AP3B1: variants seen among roughly 807,000 people sequenced by gnomAD.
AP3B1 encodes adaptor related protein complex 3 subunit beta 1, also known as AP-3 complex subunit beta-1.
A neutral mutation model predicts 132.5 loss-of-function variants in AP3B1; 61 were observed. The ratio of observed to expected loss-of-function variants is 0.46; its 90% CI spans 0.37 to 0.57. The LOEUF (loss-of-function observed/expected upper bound fraction) is 0.57, where lower values mean the gene tolerates loss of function less well. Ranked by LOEUF, AP3B1 falls within the 20% of genes least tolerant of loss-of-function variation. The probability of loss-of-function intolerance (pLI) is 0.00; values close to 1 mark genes in which losing one functional copy is unlikely to be tolerated. For missense variants in AP3B1, 1,120 were observed against 1,289.4 expected (o/e 0.87, Z 2.01); for synonymous variants, 388 against 438.3 (o/e 0.89, Z 1.43).
At chr5:78,019,520 G>A (rs141426386) in intron 25 of AP3B1, among the ~76,000 whole-genome samples, 1 of 152,148 alleles carries the variant, frequency 6.6e-6, no homozygotes, top group East Asian at 1.9e-4. Flanking sequence ...CCAGCAAAGG[G>A]TAAGAATAGC....
chr5:78,091,028 C>T (rs1750487482), intron 21 of AP3B1, among the ~76,000 whole-genome samples: 1 of 151,708 alleles, frequency 6.6e-6, no homozygotes, highest in African/African-American at 2.4e-5. Flanking sequence ...CTCAGGCAAT[C>T]TTCCTACCTT....
At chr5:78,166,445 C>A (rs1743632998) in intron 11 of AP3B1, among the ~76,000 whole-genome samples, 1 of 152,060 alleles carries the variant, frequency 6.6e-6, no homozygotes, top group African/African-American at 2.4e-5. Context: ...TTTCCAGATA[C>A]CAATTAATTC....
chr5:78,005,753 C>A (rs907721900), intron 26 of AP3B1, among the ~76,000 whole-genome samples: 8 of 152,162 alleles, frequency 5.3e-5, no homozygotes, highest in Admixed American at 5.2e-4. Context: ...TTAATTGGAA[C>A]ACAGCATGAT....
intron 17 of AP3B1, among the ~76,000 whole-genome samples, chr5:78,126,088 GAA>G (rs139840021): frequency 7.2e-6 from 1 of 138,504 alleles, no homozygotes; most frequent in African/African-American, 2.6e-5. Flanking sequence ...ACCCCATAAT[GAA>G]AAAAAAAAAC....
At chr5:78,166,387 T>C (rs913422295) in intron 11 of AP3B1, among the ~76,000 whole-genome samples, 1 of 152,148 alleles carries the variant, frequency 6.6e-6, no homozygotes, top group Non-Finnish European at 1.5e-5. Flanking sequence ...GCTTTTTGTC[T>C]TTTAGTAAAG....
intron 2 of AP3B1, among the ~76,000 whole-genome samples, chr5:78,265,476 C>T (rs992345316): frequency 6.6e-6 from 1 of 152,026 alleles, no homozygotes; most frequent in Admixed American, 6.6e-5. Context: ...AGAAAATGAA[C>T]TTATCAAGAG....
At chr5:78,096,172 G>A (rs1750772824) in intron 21 of AP3B1, among the ~76,000 whole-genome samples, 1 of 152,196 alleles carries the variant, frequency 6.6e-6, no homozygotes, top group African/African-American at 2.4e-5. Context: ...CGCCATGCCT[G>A]GCTGGTTTTC....
intron 22 of AP3B1, among the ~76,000 whole-genome samples, chr5:78,070,282 C>G (rs1749479579): frequency 6.6e-6 from 1 of 151,934 alleles, no homozygotes; most frequent in South Asian, 2.1e-4. Context: ...TGGTGCACAC[C>G]TGTAATCCCA....
intron 2 of AP3B1, among the ~76,000 whole-genome samples, chr5:78,258,980 G>A (rs1033196238): frequency 1.3e-5 from 2 of 152,210 alleles, no homozygotes; most frequent in Non-Finnish European, 2.9e-5. Flanking sequence ...GCTCATGCCT[G>A]TAATCCCAGC....
At chr5:78,226,216 G>C (rs952856999) in intron 5 of AP3B1, among the ~76,000 whole-genome samples, 1 of 152,058 alleles carries the variant, frequency 6.6e-6, no homozygotes, top group Non-Finnish European at 1.5e-5. Context: ...CTTTTAAGCC[G>C]TTAGAGTGAG....
At chr5:78,014,971 A>G (rs1298121204) in intron 26 of AP3B1, among the ~76,000 whole-genome samples, 2 of 152,180 alleles carry the variant, frequency 1.3e-5, no homozygotes, top group African/African-American at 4.8e-5. Context: ...ATTTACTGGA[A>G]GCAGTCTCAG....
At position 78,015,557 on chromosome 5, in the gene AP3B1, GCAA is replaced by G; in HGVS notation, c.2993-12_2993-10del. 8 of 1,612,890 alleles carry G rather than the reference GCAA, an allele frequency of 5.0e-6. No homozygotes were observed. Among genetic ancestry groups the G allele is most frequent in the Non-Finnish European group, 8.5e-7 (1 of 1,179,422 alleles). On this transcript the variant is annotated splice_polypyrimidine_tract_variant and intron_variant, in intron 25 of 26. Transcript: ENST00000255194. Reference sequence around the variant, plus strand: ...CATTCCTGTTAGCACTCCTGTAAAAGCAAAAGAAGGCTCCCTTTTATTAATTTC... The same window carrying G: ...CATTCCTGTTAGCACTCCTGTAAAAGAAGAAGGCTCCCTTTTATTAATTTC...
intron 15 of AP3B1, among the ~76,000 whole-genome samples, chr5:78,132,276 G>A (rs1034674101): frequency 6.6e-5 from 10 of 152,048 alleles, no homozygotes; most frequent in Non-Finnish European, 1.2e-4. Context: ...CCATGACAAC[G>A]TCCTTTCATC....
At chr5:78,240,293 T>A (rs552379928) in intron 3 of AP3B1, among the ~76,000 whole-genome samples, 1 of 152,294 alleles carries the variant, frequency 6.6e-6, no homozygotes, top group African/African-American at 2.4e-5. Context: ...TTCAATTAAT[T>A]TATCAATTAA....
rs757331102 is a variant in AP3B1, at chr5:78,129,105, T to C, written c.1837+16A>G. On this transcript the variant is annotated intron_variant, in intron 16 of 26. Transcript: ENST00000255194. ...TTTTAGATAACATATATTTTGGAGTTATATTCTGATAATACCTTTAAAAGG... is the reference window on the plus strand; with the variant it reads ...TTTTAGATAACATATATTTTGGAGTCATATTCTGATAATACCTTTAAAAGG... The C allele has an allele frequency of 3.3e-5, 53 of 1,604,224 alleles. No homozygotes were observed. In the Middle Eastern group the frequency reaches 2.7e-3, roughly 82 times the overall value.
At chr5:78,145,513 A>T (rs558247782) in intron 14 of AP3B1, among the ~76,000 whole-genome samples, 11 of 152,330 alleles carry the variant, frequency 7.2e-5, no homozygotes, top group Admixed American at 6.5e-4. Flanking sequence ...CGACAAAATG[A>T]GTGTGGTAAA....
At chr5:78,120,672 G>T (rs1424993297) in intron 17 of AP3B1, among the ~76,000 whole-genome samples, 1 of 132,650 alleles carries the variant, frequency 7.5e-6, no homozygotes, top group Non-Finnish European at 1.6e-5. Flanking sequence ...ACCCAATACA[G>T]GAGCACCCAG....
chr5:78,212,978 T>C (rs35220145), intron 7 of AP3B1, among the ~76,000 whole-genome samples: 55,981 of 151,802 alleles, frequency 0.37, 10,617 homozygotes, highest in African/African-American at 0.45. Flanking sequence ...CCTGGGTTCA[T>C]GCCATTCTCC....
chr5:78,177,896 A>T (rs958494042), intron 8 of AP3B1, among the ~76,000 whole-genome samples: 1 of 152,222 alleles, frequency 6.6e-6, no homozygotes, highest in Non-Finnish European at 1.5e-5. Context: ...AATACTGATT[A>T]TACCTTGATT....
Sources: gnomAD v4.1 joint callset for allele counts (sites outside exome capture counted in the v4.1 genomes callset) on GRCh38, gnomAD v4.1.1 for gene constraint, MANE v1.5 for transcripts, NCBI Gene and HGNC (gene_info 2026-07-23, HGNC 2026-07-21) for gene names.